NTM: variants seen among roughly 807,000 people sequenced by gnomAD.
NTM encodes IgLON family member 2.
A neutral mutation model predicts 42.1 loss-of-function variants in NTM; 13 were observed. The ratio of observed to expected loss-of-function variants is 0.31; its 90% confidence interval spans 0.20 to 0.49. The LOEUF (loss-of-function observed/expected upper bound fraction) is 0.49. Ranked by LOEUF, NTM falls within the 20% of genes least tolerant of loss-of-function variation. The pLI, the probability that NTM is intolerant of heterozygous loss-of-function variation, is 0.99. For synonymous variants in NTM, 187 were observed against 179.2 expected, an observed-to-expected ratio of 1.04 and a Z score of -0.35; for missense variants, 373 against 452.8, an observed-to-expected ratio of 0.82 and a Z score of 1.60.
At chr11:132,232,019 C>T (rs1447568384) in intron 4 of NTM, among the ~76,000 whole-genome samples, 1 of 152,098 alleles carries the variant, frequency 6.6e-6, no homozygotes, top group Non-Finnish European at 1.5e-5. Flanking sequence ...AGCAAGAGAG[C>T]CAGGAGGTTC....
Position 132,187,155 on chromosome 11 carries a change from T to C in NTM, c.401-24867T>C, listed in dbSNP as rs575320052. Among the ~76,000 whole-genome samples, 93 of 152,276 alleles carry C rather than the reference T, an allele frequency of 6.1e-4. 1 individual carries two copies. Among genetic ancestry groups the C allele is most frequent in the African/African-American group, 2.1e-3 (89 of 41,562 alleles). Reference sequence around the variant, plus strand: ...GGGGAAATATGCTACTTTGAGGATGTCTTCAGTGCCTTGCTTCTCTTTTCT... The same window carrying C: ...GGGGAAATATGCTACTTTGAGGATGCCTTCAGTGCCTTGCTTCTCTTTTCT... On this transcript the variant is annotated intron_variant, in intron 3 of 8. Coordinates refer to ENST00000683400, the MANE Select transcript of NTM (RefSeq NM_001352005.2).
intron 1 of NTM, among the ~76,000 whole-genome samples, chr11:131,434,412 A>G (rs1948948511): frequency 6.6e-6 from 1 of 152,184 alleles, no homozygotes; most frequent in African/African-American, 2.4e-5. Context: ...CAACAGTGTA[A>G]AAGCATTCCT....
chr11:131,850,957 C>T (rs1237631413), intron 1 of NTM, among the ~76,000 whole-genome samples: 1 of 152,118 alleles, frequency 6.6e-6, no homozygotes, highest in African/African-American at 2.4e-5. Context: ...TCCCACCTAT[C>T]TTGTCTCGTC....
chr11:131,516,812 GTC>G (rs1190673548), intron 1 of NTM, among the ~76,000 whole-genome samples: 2 of 152,206 alleles, frequency 1.3e-5, no homozygotes, highest in African/African-American at 4.8e-5. Context: ...CTTTGTCTCT[GTC>G]TCTCTCTGTT....
chr11:131,894,328 C>T (rs2051888250), intron 1 of NTM, among the ~76,000 whole-genome samples: 1 of 152,202 alleles, frequency 6.6e-6, no homozygotes, highest in Non-Finnish European at 1.5e-5. Flanking sequence ...GTCATCCCCA[C>T]CAACAGATTC....
Position 131,730,811 on chromosome 11 carries a change from C to T in NTM, c.83-180753C>T, listed in dbSNP as rs78857854. On this transcript the variant is annotated intron_variant, in intron 1 of 8. Coordinates refer to ENST00000683400, the MANE Select transcript of NTM (RefSeq NM_001352005.2). ...GGGGTGCCTCTTTGAGAGCAAAATT[C>T]GGATTTCAAGGAGTTCTGTTAGAAT... 9.3e-3 allele frequency among the ~76,000 whole-genome samples: 1,414 copies of T among 151,862 alleles called. 4 individuals carry two copies. Among genetic ancestry groups the T allele is most frequent in the Non-Finnish European group, 0.011 (728 of 67,946 alleles).
chr11:131,426,240 G>A (rs556604802), intron 1 of NTM, among the ~76,000 whole-genome samples: 2 of 152,306 alleles, frequency 1.3e-5, no homozygotes, highest in South Asian at 4.1e-4. Context: ...GGAACTGAGT[G>A]CACATCCCTG....
intron 1 of NTM, among the ~76,000 whole-genome samples, chr11:131,483,727 G>A (rs967748360): frequency 1.3e-5 from 2 of 152,206 alleles, no homozygotes; most frequent in South Asian, 2.1e-4. Context: ...TTCACCCTGC[G>A]TGAAAGCCTC....
chr11:131,765,168 A>C (rs762731613), intron 1 of NTM, among the ~76,000 whole-genome samples: 1 of 152,170 alleles, frequency 6.6e-6, no homozygotes, highest in Non-Finnish European at 1.5e-5. Flanking sequence ...CCTGGTGCCC[A>C]TACCAATCCA....
At chr11:131,387,570 G>A (rs1943479880) in intron 1 of NTM, among the ~76,000 whole-genome samples, 1 of 152,206 alleles carries the variant, frequency 6.6e-6, no homozygotes, top group African/African-American at 2.4e-5. Flanking sequence ...TAGCAGAAGA[G>A]GGTGCCTTTA....
At chr11:132,246,466 GA>G (rs1472553415) in intron 4 of NTM, among the ~76,000 whole-genome samples, 1 of 152,234 alleles carries the variant, frequency 6.6e-6, no homozygotes, top group African/African-American at 2.4e-5. Context: ...TCACAGAGCT[GA>G]ACTCCCAGTG....
intron 1 of NTM, among the ~76,000 whole-genome samples, chr11:131,804,373 G>A (rs901539263): frequency 2.6e-5 from 4 of 152,136 alleles, no homozygotes; most frequent in African/African-American, 7.2e-5. Context: ...TAAGTGTGAC[G>A]TCTGCTGTTT....
At chr11:131,435,120 G>A (rs1565497171) in intron 1 of NTM, among the ~76,000 whole-genome samples, 2 of 152,208 alleles carry the variant, frequency 1.3e-5, no homozygotes, top group Middle Eastern at 6.8e-3. Flanking sequence ...TGTTATTTCT[G>A]AGGCCTCTGT....
At chr11:132,187,246 T>TGTGC (rs1491538600) in intron 3 of NTM, among the ~76,000 whole-genome samples, 1,493 of 145,628 alleles carry the variant, frequency 0.01, 18 homozygotes, top group South Asian at 0.019. Flanking sequence ...TGTGTGTGTG[T>TGTGC]GCGTGTGCGT....
intron 1 of NTM, among the ~76,000 whole-genome samples, chr11:131,675,348 T>C (rs757189519): frequency 6.6e-6 from 1 of 152,230 alleles, no homozygotes; most frequent in Non-Finnish European, 1.5e-5. Context: ...TAGGATATGA[T>C]TTCACAAATG....
chr11:131,917,750 G>T (rs2056621582), intron 2 of NTM, among the ~76,000 whole-genome samples: 1 of 152,092 alleles, frequency 6.6e-6, no homozygotes, highest in Admixed American at 6.5e-5. Flanking sequence ...CCCCTCTCAG[G>T]ACCCGCCACT....
At chr11:132,245,927 ATCT>A (rs2091057929) in intron 4 of NTM, among the ~76,000 whole-genome samples, 1 of 152,144 alleles carries the variant, frequency 6.6e-6, no homozygotes, top group Non-Finnish European at 1.5e-5. Context: ...GCAGGATTTG[ATCT>A]TCTCTACTCA....
At chr11:131,456,339 C>T (rs2136080585) in intron 1 of NTM, among the ~76,000 whole-genome samples, 1 of 152,324 alleles carries the variant, frequency 6.6e-6, no homozygotes, top group African/African-American at 2.4e-5. Context: ...GTCCTGAGTG[C>T]TTTTTCCCTT....
chr11:132,044,899 A>G (rs1408537127), intron 2 of NTM, among the ~76,000 whole-genome samples: 1 of 152,112 alleles, frequency 6.6e-6, no homozygotes, highest in African/African-American at 2.4e-5. Context: ...TAGCCTACCG[A>G]CCAAAAAAAG....
Sources: allele counts gnomAD v4.1 joint callset (sites outside exome capture counted in the v4.1 genomes callset), GRCh38; gene constraint gnomAD v4.1.1; transcripts MANE v1.5; gene names NCBI Gene and HGNC (gene_info 2026-07-23, HGNC 2026-07-21).